The following KPLCE variants were observed in gnomAD, a reference collection of about 807,000 sequenced individuals.
KPLCE encodes protein KPLCE.
the KPLCE span, chr1:152,720,299 T>C: frequency 6.6e-7 from 1 of 1,506,310 alleles, no homozygotes; most frequent in South Asian, 1.3e-5. Flanking sequence ...AACTCCAGAA[T>C]GCACTGCCCC....
the KPLCE span, chr1:152,720,421 C>G: frequency 1.5e-6 from 1 of 682,182 alleles, no homozygotes; most frequent in Non-Finnish European, 2.5e-6. Flanking sequence ...AGGCAGCCTG[C>G]CAGAGTTAGT....
chr1:152,720,299 T>G, the KPLCE span: 1 of 1,506,190 alleles, frequency 6.6e-7, no homozygotes, highest in Non-Finnish European at 8.9e-7. Flanking sequence ...AACTCCAGAA[T>G]GCACTGCCCC....
chr1:152,719,710 G>T, the KPLCE span: 1 of 1,552,224 alleles, frequency 6.4e-7, no homozygotes, highest in Non-Finnish European at 8.7e-7. Context: ...TTCCATGCCA[G>T]ACTCAAACCT....
chr1:152,720,204 G>A, the KPLCE span: 1 of 1,551,728 alleles, frequency 6.4e-7, no homozygotes, highest in Non-Finnish European at 8.7e-7. Context: ...GGGTGCTGCT[G>A]TTTGGGAATT....
Sources: gnomAD v4.1 joint callset for allele counts on GRCh38, gnomAD v4.1.1 for gene constraint, MANE v1.5 for transcripts, NCBI Gene and HGNC (gene_info 2026-07-23, HGNC 2026-07-21) for gene names.